NCAPG2: variants seen among roughly 807,000 people sequenced by gnomAD.
The protein encoded by NCAPG2 is condensin-2 complex subunit G2.
Under a neutral mutation model 141.1 loss-of-function variants are expected in NCAPG2, and 53 were observed. The observed-to-expected ratio is 0.38, with a 90% CI of 0.30 to 0.47. The LOEUF (loss-of-function observed/expected upper bound fraction) is 0.47. Ranked by LOEUF, NCAPG2 falls within the 20% of genes least tolerant of loss-of-function variation. The pLI is 0.99. For missense variants in NCAPG2, 1,087 were observed against 1,389.0 expected (o/e 0.78, Z 3.46); for synonymous variants, 499 against 490.7 (o/e 1.02, Z -0.22).
intron 2 of NCAPG2, among the ~76,000 whole-genome samples, chr7:158,700,903 C>A (rs562972945): frequency 7.2e-5 from 11 of 152,296 alleles, no homozygotes; most frequent in African/African-American, 2.4e-4. Flanking sequence ...GCCCTTTTAT[C>A]TGAAACTCTA....
intron 2 of NCAPG2, among the ~76,000 whole-genome samples, chr7:158,700,236 T>C (rs1287120881): frequency 6.6e-6 from 1 of 152,220 alleles, no homozygotes; most frequent in Non-Finnish European, 1.5e-5. Flanking sequence ...ATAAAGCTTA[T>C]TGATAAACTA....
intron 13 of NCAPG2, among the ~76,000 whole-genome samples, chr7:158,665,548 G>A (rs1832862927): frequency 6.6e-6 from 1 of 152,072 alleles, no homozygotes; most frequent in Non-Finnish European, 1.5e-5. Flanking sequence ...TTGCTCCAAG[G>A]ACCAATCCTT....
intron 25 of NCAPG2, among the ~76,000 whole-genome samples, chr7:158,646,210 A>G (rs1831005273): frequency 6.6e-6 from 1 of 152,256 alleles, no homozygotes; most frequent in Admixed American, 6.5e-5. Flanking sequence ...AATTTAAGTT[A>G]TGAGAAGCAT....
chr7:158,689,711 G>GT (rs1835004046), intron 6 of NCAPG2, 108 bp downstream of exon 6: 2 of 1,029,486 alleles, frequency 1.9e-6, no homozygotes, highest in African/African-American at 1.7e-5. Flanking sequence ...ATAGCTCCTG[G>GT]TAGCTAAGCA....
Position 158,680,038 on chromosome 7 carries a change from T to C in NCAPG2, c.1068A>G (p.Glu356=). The C allele has an allele frequency of 6.2e-7, 1 of 1,614,126 alleles. No individual in the cohort carries two copies. The change falls in exon 11 of 28, where the codon GAA becomes GAG. Residue 356 remains glutamate (E), a synonymous_variant. Coordinates refer to ENST00000356309, the MANE Select transcript of NCAPG2 (RefSeq NM_017760.7). ...VRSNAALLFV[E]AFPIRDPNLH... ...GGTTTGGATCCCTAATAGGAAATGC[T>C]TCAACAAACAACAATGCAGCATTTG...
intron 13 of NCAPG2, among the ~76,000 whole-genome samples, chr7:158,669,136 T>C (rs1833508906): frequency 6.6e-6 from 1 of 152,250 alleles, no homozygotes; most frequent in Non-Finnish European, 1.5e-5. Context: ...TTCCATAGTA[T>C]ATATGTACCA....
At chr7:158,673,031 G>A (rs6977635) in intron 12 of NCAPG2, among the ~76,000 whole-genome samples, 2 of 152,154 alleles carry the variant, frequency 1.3e-5, no homozygotes, top group African/African-American at 4.8e-5. Flanking sequence ...AGCACCAGAC[G>A]GTGGTCAGAA....
At position 158,637,013 on chromosome 7, in the gene NCAPG2, T is replaced by C. The variant is rs574896127; in HGVS notation, c.3381-5296A>G. ...CCCAGGCTGGAATGCAGTGGTGTGA[T>C]CTTGGCTCACTGCAAGTTCCGCCTC... On this transcript the variant is annotated intron_variant, in intron 27 of 27. Coordinates refer to ENST00000356309, the MANE Select transcript of NCAPG2 (RefSeq NM_017760.7). 1.6e-3 allele frequency among the ~76,000 whole-genome samples: 244 copies of C among 151,078 alleles called. 1 individual carries two copies. The Middle Eastern group carries it at 0.017, about 11-fold the overall frequency.
At chr7:158,687,238 G>GT in intron 7 of NCAPG2, 110 bp downstream of exon 7, 1 of 639,470 alleles carries the variant, frequency 1.6e-6, no homozygotes, top group Non-Finnish European at 2.6e-6. Context: ...AATAAATAAC[G>GT]TATTTCTAAA....
intron 27 of NCAPG2, among the ~76,000 whole-genome samples, chr7:158,642,292 C>A (rs539512918): frequency 6.6e-6 from 1 of 152,146 alleles, no homozygotes; most frequent in African/African-American, 2.4e-5. Flanking sequence ...AATCTCAGAA[C>A]GTTAGGAGGC....
chr7:158,699,924 G>C (rs115573883), intron 2 of NCAPG2, among the ~76,000 whole-genome samples: 1 of 149,780 alleles, frequency 6.7e-6, no homozygotes, highest in African/African-American at 2.5e-5. Flanking sequence ...TAATCTCTCT[G>C]GGTTATTTAT....
intron 11 of NCAPG2, among the ~76,000 whole-genome samples, chr7:158,676,961 AG>A (rs1457521457): frequency 6.6e-6 from 1 of 152,148 alleles, no homozygotes; most frequent in African/African-American, 2.4e-5. Flanking sequence ...TTCCTAGGTA[AG>A]GGTGCTCTAA....
intron 2 of NCAPG2, among the ~76,000 whole-genome samples, chr7:158,700,155 C>G (rs959343047): frequency 1.3e-5 from 2 of 152,178 alleles, no homozygotes; most frequent in African/African-American, 2.4e-5. Context: ...GATGCACAAT[C>G]CTACACATTT....
chr7:158,680,222 A>C, intron 10 of NCAPG2, 137 bp from the exon 11 acceptor site: 1 of 1,033,862 alleles, frequency 9.7e-7, no homozygotes, highest in Non-Finnish European at 1.4e-6. Flanking sequence ...ATAACGTTTA[A>C]ATTGACCAAA....
At chr7:158,632,201 T>C (rs899086039) in intron 27 of NCAPG2, among the ~76,000 whole-genome samples, 2 of 152,102 alleles carry the variant, frequency 1.3e-5, no homozygotes, top group Non-Finnish European at 2.9e-5. Context: ...TACATCCCTG[T>C]CCCTCAAGGC....
chr7:158,693,584 G>T, intron 2 of NCAPG2, 87 bp from the exon 3 acceptor site: 2 of 1,159,048 alleles, frequency 1.7e-6, no homozygotes, highest in Non-Finnish European at 2.4e-6. Flanking sequence ...AAAGTTAAGT[G>T]TTAACTTCAT....
chr7:158,634,579 C>T (rs985434826), intron 27 of NCAPG2, among the ~76,000 whole-genome samples: 3 of 152,120 alleles, frequency 2.0e-5, no homozygotes, highest in Admixed American at 1.3e-4. Flanking sequence ...TAGTAAAGAG[C>T]TACTTACACT....
chr7:158,638,450 A>G (rs1165245719), intron 27 of NCAPG2, among the ~76,000 whole-genome samples: 1 of 151,954 alleles, frequency 6.6e-6, no homozygotes, highest in Non-Finnish European at 1.5e-5. Flanking sequence ...GTGTTGCTCA[A>G]ACTGGTCTTG....
rs1042683913 is a variant in NCAPG2 at position 158,646,810 on chromosome 7, T to C, written c.3076-247A>G. On this transcript the variant is annotated intron_variant, in intron 24 of 27. Coordinates refer to ENST00000356309, the MANE Select transcript of NCAPG2 (RefSeq NM_017760.7). ...TGGGAGGCTGAGGCAAGAGGAATGC[T>C]TGAGGTCAGGAGTTCAAGATCAGGC... 3.9e-5 allele frequency among the ~76,000 whole-genome samples: 6 copies of C among 152,306 alleles called. No individual in the cohort carries two copies. The East Asian group carries it at 1.2e-3, about 29-fold the overall frequency.
Sources: allele counts gnomAD v4.1 joint callset (sites outside exome capture counted in the v4.1 genomes callset), GRCh38; gene constraint gnomAD v4.1.1; transcripts MANE v1.5; gene names NCBI Gene and HGNC (gene_info 2026-07-23, HGNC 2026-07-21).